The following TMEM272 variants were observed in gnomAD, a reference collection of about 807,000 sequenced individuals.
TMEM272 encodes the protein long intergenic non-protein coding RNA 282.
A neutral mutation model predicts 3.7 loss-of-function variants in TMEM272; 8 were observed. The observed-to-expected ratio is 2.17, with a 90% confidence interval of 1.27 to 3.91. The LOEUF (loss-of-function observed/expected upper bound fraction) is 3.91, where lower values mean the gene tolerates loss of function less well. Ranked by LOEUF, TMEM272 falls within the 30% of genes most tolerant of loss-of-function variation. The pLI is 0.00. For synonymous variants in TMEM272, 63 were observed against 39.8 expected, an observed-to-expected ratio of 1.58 and a Z score of -2.20; for missense variants, 166 against 91.5, an observed-to-expected ratio of 1.81 and a Z score of -3.32.
At chr13:51,910,067 T>A in the TMEM272 span, 2 of 1,234,372 alleles carry the variant, frequency 1.6e-6, no homozygotes. Flanking sequence ...CAGTTAGTAG[T>A]GATTTGAGGG....
chr13:51,873,552 C>G, the TMEM272 span, among the ~76,000 whole-genome samples: 1 of 152,192 alleles, frequency 6.6e-6, no homozygotes, highest in Non-Finnish European at 1.5e-5. Context: ...TGTTAAACCA[C>G]CAGTTGTTCT....
At chr13:51,874,465 GATGA>G in the TMEM272 span, among the ~76,000 whole-genome samples, 24 of 152,312 alleles carry the variant, frequency 1.6e-4, no homozygotes, top group East Asian at 4.3e-3. Context: ...TAATGATACA[GATGA>G]ATGAAGGAAA....
intron 1 of TMEM272, among the ~76,000 whole-genome samples, chr13:51,839,571 C>T (rs1566353554): frequency 6.6e-6 from 1 of 152,212 alleles, no homozygotes; most frequent in Non-Finnish European, 1.5e-5. Flanking sequence ...CCTCATACTG[C>T]AGGGGTTTGC....
At chr13:51,871,784 CTACACACACA>C in the TMEM272 span, among the ~76,000 whole-genome samples, 4 of 100,660 alleles carry the variant, frequency 4.0e-5, no homozygotes, top group East Asian at 2.9e-4. Context: ...TAATCTCCCC[CTACACACACA>C]CACACACACA....
the TMEM272 span, among the ~76,000 whole-genome samples, chr13:51,915,319 A>G: frequency 6.6e-6 from 1 of 152,258 alleles, no homozygotes; most frequent in Non-Finnish European, 1.5e-5. Flanking sequence ...TAGATACAGC[A>G]CTACTATTAA....
At chr13:51,839,241 T>C (rs1956241135) in intron 1 of TMEM272, among the ~76,000 whole-genome samples, 1 of 152,134 alleles carries the variant, frequency 6.6e-6, no homozygotes, top group Non-Finnish European at 1.5e-5. Flanking sequence ...TTCCCTTCCT[T>C]GGAAGAAACA....
upstream of TMEM272, among the ~76,000 whole-genome samples, chr13:51,849,843 C>T (rs1042479287): frequency 2.0e-5 from 3 of 152,170 alleles, no homozygotes; most frequent in Admixed American, 2.0e-4. Context: ...ATGCACAACG[C>T]CACCTACTGG....
chr13:51,904,536 T>A, the TMEM272 span, among the ~76,000 whole-genome samples: 5 of 152,320 alleles, frequency 3.3e-5, no homozygotes, highest in South Asian at 6.2e-4. Flanking sequence ...ATTCATGGTA[T>A]GGACGTGGAA....
the TMEM272 span, among the ~76,000 whole-genome samples, chr13:51,918,828 T>TTTTTTTA: frequency 7.1e-6 from 1 of 140,168 alleles, no homozygotes; most frequent in Non-Finnish European, 1.6e-5. Context: ...TTTTTTTTTT[T>TTTTTTTA]GTAGAGACAG....
At chr13:51,934,320 T>G in the TMEM272 span, 5 of 284,226 alleles carry the variant, frequency 1.8e-5, no homozygotes, top group African/African-American at 1.1e-4. Flanking sequence ...AGAAACATGA[T>G]GCACACAGAC....
chr13:51,834,266 C>T (rs1008287394), intron 2 of TMEM272, among the ~76,000 whole-genome samples: 2 of 152,106 alleles, frequency 1.3e-5, no homozygotes, highest in African/African-American at 2.4e-5. Flanking sequence ...CTACCACTGC[C>T]GGGGGCCACC....
chr13:51,865,302 A>G, the TMEM272 span: 1 of 1,241,858 alleles, frequency 8.1e-7, no homozygotes, highest in Non-Finnish European at 1.1e-6. Context: ...TGTGATACTC[A>G]TAGATCTGTC....
Position 51,814,713 on chromosome 13 carries a change from A to G in TMEM272, c.*2038T>C, listed in dbSNP as rs1423608323. 6.6e-6 allele frequency: 1 copy of G among 152,212 alleles called. No homozygotes were observed. The highest frequency in any genetic ancestry group is 2.4e-5 in the African/African-American group (1 of 41,438). The allele number at this position is 152,212 out of a possible 1,614,324, so 9.4% of individuals were successfully genotyped here. On this transcript the variant is annotated 3_prime_UTR_variant, in exon 5 of 5. Transcript: ENST00000629372. ...GGTGGGCTGGTGGGGTGCATATGAG[A>G]ATGAGCACACTTCATCCACCACTCC...
the TMEM272 span, among the ~76,000 whole-genome samples, chr13:51,885,190 C>T: frequency 9.2e-5 from 14 of 152,308 alleles, no homozygotes; most frequent in East Asian, 2.5e-3. Flanking sequence ...CAGGAAAAGA[C>T]TCATTTGTGT....
the TMEM272 span, chr13:51,908,101 A>G: frequency 6.6e-6 from 3 of 455,350 alleles, no homozygotes; most frequent in Non-Finnish European, 8.3e-6. Flanking sequence ...CCTGAGAATT[A>G]TAATTCTATT....
chr13:51,909,644 T>G, the TMEM272 span: 1 of 1,506,470 alleles, frequency 6.6e-7, no homozygotes, highest in South Asian at 1.1e-5. Context: ...CTAAGGTTGT[T>G]AAAGAAGCAT....
At chr13:51,870,146 A>G in the TMEM272 span, among the ~76,000 whole-genome samples, 1 of 152,206 alleles carries the variant, frequency 6.6e-6, no homozygotes. Flanking sequence ...ATCAGGCCTA[A>G]GCAAAGTGGA....
intron 1 of TMEM272, among the ~76,000 whole-genome samples, chr13:51,842,293 T>C (rs1956270136): frequency 6.6e-6 from 1 of 152,040 alleles, no homozygotes; most frequent in African/African-American, 2.4e-5. Context: ...CATTAGCAGG[T>C]TTTACCATTA....
the TMEM272 span, among the ~76,000 whole-genome samples, chr13:51,879,193 A>G: frequency 1.3e-5 from 2 of 152,206 alleles, no homozygotes; most frequent in African/African-American, 4.8e-5. Context: ...AAAAAAGAAC[A>G]AAACACACTT....
Sources: gnomAD v4.1 joint callset for allele counts (sites outside exome capture counted in the v4.1 genomes callset) on GRCh38, gnomAD v4.1.1 for gene constraint, MANE v1.5 for transcripts, NCBI Gene and HGNC (gene_info 2026-07-23, HGNC 2026-07-21) for gene names.